UBN2: variants seen among roughly 807,000 people sequenced by gnomAD.
UBN2 encodes ubinuclein-2.
In UBN2, 35 loss-of-function variants were observed where a neutral mutation model predicts 120.2. The ratio of observed to expected loss-of-function variants is 0.29; its 90% confidence interval spans 0.22 to 0.39. The LOEUF is 0.39. Among genes scored for constraint, UBN2 ranks in the 10% least tolerant of loss-of-function variants. The pLI is 1.00. For synonymous variants in UBN2, 661 were observed against 648.7 expected (o/e 1.02, Z -0.29); for missense variants, 1,693 against 1,663.2 (o/e 1.02, Z -0.31).
At chr7:139,272,559 G>T in intron 9 of UBN2, 119 bp downstream of exon 9, 1 of 736,548 alleles carries the variant, frequency 1.4e-6, no homozygotes, top group Non-Finnish European at 2.1e-6. Context: ...CGGAATCTCA[G>T]TCTGTTGCCC....
chr7:139,322,930 A>G, the UBN2 span, among the ~76,000 whole-genome samples: 1 of 152,182 alleles, frequency 6.6e-6, no homozygotes, highest in Non-Finnish European at 1.5e-5. Flanking sequence ...GACAGAAAGA[A>G]GTCACCCAGG....
At chr7:139,269,038 C>G (rs903808653) in intron 7 of UBN2, among the ~76,000 whole-genome samples, 2 of 152,074 alleles carry the variant, frequency 1.3e-5, no homozygotes, top group Non-Finnish European at 2.9e-5. Flanking sequence ...GAAACCCCAT[C>G]TCTACTAAAA....
At chr7:139,289,007 A>AC (rs1292228486) in intron 15 of UBN2, among the ~76,000 whole-genome samples, 1 of 151,920 alleles carries the variant, frequency 6.6e-6, no homozygotes, top group Non-Finnish European at 1.5e-5. Flanking sequence ...TCTCAAAAAA[A>AC]AAAAAAAAAA....
the UBN2 span, among the ~76,000 whole-genome samples, chr7:139,325,421 C>T: frequency 8.6e-5 from 13 of 151,882 alleles, no homozygotes; most frequent in Non-Finnish European, 1.8e-4. Flanking sequence ...GTGCCCACTA[C>T]CACGCTCAGC....
intron 2 of UBN2, among the ~76,000 whole-genome samples, chr7:139,240,452 A>AT (rs1401337500): frequency 0.2 from 11,285 of 57,074 alleles, 484 homozygotes; most frequent in South Asian, 0.27. Context: ...ATATATATAT[A>AT]TATTTTTTTT....
At chr7:139,257,259 CA>C (rs1232715724) in intron 3 of UBN2, among the ~76,000 whole-genome samples, 9 of 152,188 alleles carry the variant, frequency 5.9e-5, no homozygotes, top group African/African-American at 9.7e-5. Context: ...GTGATTTAAA[CA>C]AATTGAGTTC....
chr7:139,264,682 G>C (rs565739509), intron 6 of UBN2, among the ~76,000 whole-genome samples: 1 of 152,032 alleles, frequency 6.6e-6, no homozygotes. Flanking sequence ...TCCGCCTCCC[G>C]GGTTCAAGCA....
chr7:139,298,374 C>T lies in UBN2; in HGVS notation c.*538C>T, dbSNP rs1798169446. The stretch of plus-strand genomic sequence containing the variant: ...ATAGACAGTAGCTGCATAGCACACC[C>T]TCGAAAATCCTGAACAAACTTGAAT... On this transcript the variant is annotated 3_prime_UTR_variant, in exon 18 of 18. Coordinates refer to ENST00000473989, the MANE Select transcript of UBN2 (RefSeq NM_173569.4). The T allele has an allele frequency of 6.6e-6, 1 of 152,608 alleles. No individual in the cohort carries two copies. The highest frequency in any genetic ancestry group is 2.1e-4 in the South Asian group (1 of 4,842). The allele number at this position is 152,608 out of a possible 1,614,324, so 9.5% of individuals were successfully genotyped here. A position where few individuals can be genotyped will look rare whatever the true frequency, so the allele number is the denominator to read the frequency against.
At chr7:139,278,181 CTT>C (rs75636576) in intron 12 of UBN2, among the ~76,000 whole-genome samples, 6 of 133,780 alleles carry the variant, frequency 4.5e-5, no homozygotes, top group East Asian at 2.1e-4. Context: ...CTCTCTCTGG[CTT>C]TTTTTTTTTT....
chr7:139,325,273 T>TC, the UBN2 span, among the ~76,000 whole-genome samples: 52 of 142,192 alleles, frequency 3.7e-4, no homozygotes, highest in African/African-American at 1.3e-3. Flanking sequence ...TTTTTTTTTT[T>TC]TTTTTTTTTT....
At position 139,275,271 on chromosome 7, in the gene UBN2, C is replaced by A. The variant is rs1183948536; in HGVS notation, c.1974-826C>A. Among the ~76,000 whole-genome samples, 5 of 129,010 alleles carry A rather than the reference C, an allele frequency of 3.9e-5. No homozygotes were observed. The East Asian group carries it at 1.1e-3, about 28-fold the overall frequency. 84.6% of individuals were successfully genotyped at this position (129,010 alleles called of 152,430 possible). A position where few individuals can be genotyped will look rare whatever the true frequency, so the allele number is the denominator to read the frequency against. ...CCACCTGGGCAACAAGAGCAAAACT[C>A]TGTCTCAAAAAAAAAAAAAAAAAAA... is the stretch of plus-strand genomic sequence containing the variant. On this transcript the variant is annotated intron_variant, in intron 11 of 17. Coordinates refer to ENST00000473989, the MANE Select transcript of UBN2 (RefSeq NM_173569.4).
intron 3 of UBN2, among the ~76,000 whole-genome samples, chr7:139,253,249 CTGAAGTAACTGTGTATGAA>C (rs1796668440): frequency 1.1e-5 from 1 of 93,842 alleles, no homozygotes; most frequent in African/African-American, 1.2e-4. Flanking sequence ...CATTTATCTA[CTGAAGTAACTGTGTATGAA>C]ATCTGGGTGC....
chr7:139,259,444 A>C (rs1252452408), intron 5 of UBN2, 74 bp downstream of exon 5: 5 of 1,560,610 alleles, frequency 3.2e-6, no homozygotes, highest in Non-Finnish European at 4.3e-6. Flanking sequence ...AGATATACTT[A>C]CCATTAACTA....
chr7:139,239,856 T>A (rs1280896175), intron 2 of UBN2, among the ~76,000 whole-genome samples: 1 of 152,196 alleles, frequency 6.6e-6, no homozygotes, highest in Non-Finnish European at 1.5e-5. Flanking sequence ...GCGCCCAGCC[T>A]AGAGTGTCTA....
chr7:139,240,324 G>T (rs1442448524), intron 2 of UBN2, among the ~76,000 whole-genome samples: 1 of 150,358 alleles, frequency 6.7e-6, no homozygotes, highest in Non-Finnish European at 1.5e-5. Context: ...ACAGGGTCTT[G>T]TTGTGTTGCC....
chr7:139,301,990 A>G lies in UBN2; in HGVS notation c.*4154A>G, dbSNP rs1798270736. ...TATTTTATAAAATTTTAAGGGGAAA[A>G]GTTTAACTCTTTGTAAATCATTTCT... On this transcript the variant is annotated 3_prime_UTR_variant, in exon 18 of 18. Transcript: ENST00000473989. The G allele has an allele frequency of 6.6e-6, 1 of 152,172 alleles. No individual in the cohort carries two copies. The highest frequency in any genetic ancestry group is 2.1e-4 in the South Asian group (1 of 4,830). 9.4% of individuals were successfully genotyped at this position (152,172 alleles called of 1,614,324 possible).
intron 2 of UBN2, among the ~76,000 whole-genome samples, chr7:139,240,248 C>G (rs1226398862): frequency 6.6e-6 from 1 of 151,262 alleles, no homozygotes; most frequent in African/African-American, 2.4e-5. Context: ...AAAAAGCATG[C>G]CCAAGTGTTA....
Position 139,297,867 on chromosome 7 carries a change from T to C in UBN2, c.*31T>C, listed in dbSNP as rs1217325889. 10 of 1,612,388 alleles carry C rather than the reference T, an allele frequency of 6.2e-6. No homozygotes were observed. The highest frequency in any genetic ancestry group is 1.1e-5 in the South Asian group (1 of 91,044). On this transcript the variant is annotated 3_prime_UTR_variant, in exon 18 of 18. Transcript: ENST00000473989. ...CAGCAAGCAAAGGAGACGAAATGTTTAGTTGACTGATGGAATCTACCTGAT... is the reference window on the plus strand; with the variant it reads ...CAGCAAGCAAAGGAGACGAAATGTTCAGTTGACTGATGGAATCTACCTGAT...
chr7:139,233,890 A>G (rs1022439396), intron 1 of UBN2, among the ~76,000 whole-genome samples: 2 of 152,112 alleles, frequency 1.3e-5, no homozygotes, highest in Admixed American at 6.5e-5. Flanking sequence ...ATTTTTCTGT[A>G]TACTTATTAA....
Sources: gnomAD v4.1 joint callset for allele counts (sites outside exome capture counted in the v4.1 genomes callset) on GRCh38, gnomAD v4.1.1 for gene constraint, MANE v1.5 for transcripts, NCBI Gene and HGNC (gene_info 2026-07-23, HGNC 2026-07-21) for gene names.